Variants in RPL31 observed in about 807,000 individuals in gnomAD.
The protein encoded by RPL31 is ribosomal protein L31.
For synonymous variants in RPL31, 51 were observed against 55.0 expected, an observed-to-expected ratio of 0.93 and a Z score of 0.32; for missense variants, 95 against 164.0, an observed-to-expected ratio of 0.58 and a Z score of 2.30.
rs577168208 is a variant in RPL31, at chr2:101,006,423, A to C, written c.*42A>C. ...CAAATAAAGTTATAAAATTGCCTTC[A>C]TGTTTTTGTTCTTTTTAGTTGCAAC... On this transcript the variant is annotated 3_prime_UTR_variant, in exon 5 of 5. Transcript: ENST00000264258. The C allele has an allele frequency of 2.5e-6, 4 of 1,589,128 alleles. No homozygotes were observed. The highest frequency in any genetic ancestry group is 3.4e-6 in the Non-Finnish European group (4 of 1,168,080).
chr2:101,017,034 C>T (rs1287355969), intron 4 of RPL31, among the ~76,000 whole-genome samples: 1 of 151,266 alleles, frequency 6.6e-6, no homozygotes, highest in African/African-American at 2.4e-5. Flanking sequence ...ATGTAACTAA[C>T]CTGCACATTG....
intron 4 of RPL31, among the ~76,000 whole-genome samples, chr2:101,012,725 G>A (rs894657207): frequency 6.6e-6 from 1 of 152,226 alleles, no homozygotes; most frequent in Non-Finnish European, 1.5e-5. Context: ...ACAATTATCG[G>A]GGATGACAGG....
At chr2:101,008,884 G>A (rs1204173583), downstream of RPL31, among the ~76,000 whole-genome samples, 1 of 152,078 alleles carries the variant, frequency 6.6e-6, no homozygotes, top group Non-Finnish European at 1.5e-5. Flanking sequence ...GTTTATAATA[G>A]GAAAATGCTG....
At chr2:101,008,761 A>G (rs759888883), downstream of RPL31, among the ~76,000 whole-genome samples, 2 of 152,026 alleles carry the variant, frequency 1.3e-5, no homozygotes, top group Non-Finnish European at 2.9e-5. Context: ...GTGGTAGTCA[A>G]GATCACACCA....
At chr2:101,007,555 C>CAGA (rs1678819238), downstream of RPL31, 5 of 457,290 alleles carry the variant, frequency 1.1e-5, no homozygotes, top group East Asian at 1.6e-4. Flanking sequence ...AGCATCACAG[C>CAGA]AGAAGTGCCC....
At chr2:101,003,073 C>G (rs1263605588) in intron 2 of RPL31, among the ~76,000 whole-genome samples, 1 of 152,152 alleles carries the variant, frequency 6.6e-6, no homozygotes, top group Non-Finnish European at 1.5e-5. Flanking sequence ...CCTTCCCTAC[C>G]CAAACATGCG....
chr2:101,010,144 T>C (rs559977703), downstream of RPL31, among the ~76,000 whole-genome samples: 4 of 152,266 alleles, frequency 2.6e-5, no homozygotes, highest in Admixed American at 2.6e-4. Context: ...TAAGCCTACA[T>C]TTCCTAAACA....
rs754314319 is a variant in RPL31 at position 101,002,685 on chromosome 2, T to C, written c.1-17T>C. ...TTGTTAAACTCTGCTCTGAGCCTCCTTGTCGCCTGCATTTAGATGGCTCCC... is the reference window on the plus strand; with the variant it reads ...TTGTTAAACTCTGCTCTGAGCCTCCCTGTCGCCTGCATTTAGATGGCTCCC... On this transcript the variant is annotated splice_polypyrimidine_tract_variant and intron_variant, in intron 1 of 4. Coordinates refer to ENST00000264258, the MANE Select transcript of RPL31 (RefSeq NM_000993.5). 6 of 1,604,126 alleles carry C rather than the reference T, an allele frequency of 3.7e-6. No individual in the cohort carries two copies. The highest frequency in any genetic ancestry group is 1.1e-5 in the South Asian group (1 of 90,886).
downstream of RPL31, chr2:101,008,283 A>C (rs1230648841): frequency 2.0e-6 from 3 of 1,506,056 alleles, no homozygotes; most frequent in Admixed American, 2.2e-5. Context: ...TCTGAAATTG[A>C]AATAAGTCTT....
intron 4 of RPL31, among the ~76,000 whole-genome samples, chr2:101,014,156 T>C (rs1679439756): frequency 6.6e-6 from 1 of 152,218 alleles, no homozygotes; most frequent in South Asian, 2.1e-4. Context: ...TAGTTTTCTT[T>C]TGTTGAAAAG....
At chr2:101,008,043 G>C, downstream of RPL31, 4 of 1,613,970 alleles carry the variant, frequency 2.5e-6, no homozygotes, top group Middle Eastern at 4.9e-4. Context: ...GGGAGTCCTG[G>C]GGCGTCTTCC....
At chr2:101,019,042 G>T (rs749025644) in exon 5 of RPL31, 2 of 1,610,946 alleles carry the variant, frequency 1.2e-6, no homozygotes, top group Non-Finnish European at 1.7e-6. Flanking sequence ...CCCATAAAGG[G>T]AGCCCTCCTG....
In RPL31 at chr2:101,006,859, G is replaced by A. The variant is rs1338908870; in HGVS notation, c.*478G>A. 1 of 152,742 alleles carries A rather than the reference G, an allele frequency of 6.5e-6. No homozygotes were observed. Among genetic ancestry groups the A allele is most frequent in the Admixed American group, 6.6e-5 (1 of 15,266 alleles). The allele number at this position is 152,742 out of a possible 1,614,324, so 9.5% of individuals were successfully genotyped here. On this transcript the variant is annotated 3_prime_UTR_variant, in exon 5 of 5. Coordinates refer to ENST00000264258, the MANE Select transcript of RPL31 (RefSeq NM_000993.5). ...TTGTTGTCTTCTAAAATAATTAATT[G>A]ATTTTTGGTGAGATAACCAGATTCA...
chr2:101,003,167 C>T (rs1299240413), intron 2 of RPL31, among the ~76,000 whole-genome samples: 2 of 152,166 alleles, frequency 1.3e-5, no homozygotes, highest in African/African-American at 4.8e-5. Context: ...TTGGCTGACC[C>T]GCTTAATCAT....
intron 4 of RPL31, chr2:101,017,929 C>G: frequency 6.4e-7 from 1 of 1,550,544 alleles, no homozygotes; most frequent in Non-Finnish European, 8.7e-7. Flanking sequence ...AAGAGGAAAG[C>G]AAATGGCATT....
downstream of RPL31, among the ~76,000 whole-genome samples, chr2:101,009,358 A>G (rs1396828320): frequency 6.6e-6 from 1 of 151,068 alleles, no homozygotes; most frequent in African/African-American, 2.4e-5. Context: ...GTGAGCCGAG[A>G]TCGTGCCACT....
At chr2:101,017,782 G>T in intron 4 of RPL31, 1 of 1,505,050 alleles carries the variant, frequency 6.6e-7, no homozygotes, top group Non-Finnish European at 9.0e-7. Context: ...CCAAAATCTT[G>T]ACAAGCTCAG....
chr2:101,019,145 C>A (rs1301750587), exon 5 of RPL31: 4 of 1,467,546 alleles, frequency 2.7e-6, no homozygotes, highest in Non-Finnish European at 3.7e-6. Context: ...CGTCTGTCTC[C>A]CATATTACCC....
At position 101,006,517 on chromosome 2, in the gene RPL31, G is replaced by A. The variant is rs1573837891; in HGVS notation, c.*136G>A. The A allele has an allele frequency of 1.2e-6, 1 of 820,154 alleles. No individual in the cohort carries two copies. The highest frequency in any genetic ancestry group is 2.1e-5 in the South Asian group (1 of 48,606). 50.8% of individuals were successfully genotyped at this position (820,154 alleles called of 1,614,324 possible). A position where few individuals can be genotyped will look rare whatever the true frequency, so the allele number is the denominator to read the frequency against. ...AGAGCTTTTCCCAAATTGATGGCCT[G>A]TGCTGCCTTCTCCCCATCCCCTGGG... On this transcript the variant is annotated 3_prime_UTR_variant, in exon 5 of 5. Transcript: ENST00000264258.
Sources: gnomAD v4.1 joint callset for allele counts (sites outside exome capture counted in the v4.1 genomes callset) on GRCh38, gnomAD v4.1.1 for gene constraint, MANE v1.5 for transcripts, NCBI Gene and HGNC (gene_info 2026-07-23, HGNC 2026-07-21) for gene names.